BNC2: variants seen among roughly 807,000 people sequenced by gnomAD.
The protein encoded by BNC2 is zinc finger protein basonuclin-2.
In BNC2, 20 loss-of-function variants were observed where a neutral mutation model predicts 76.3. That is an observed-to-expected ratio of 0.26 (90% confidence interval 0.18 to 0.38). BNC2 has a LOEUF of 0.38. Ranked by LOEUF, BNC2 falls within the 10% of genes least tolerant of loss-of-function variation. BNC2 has a pLI of 1.00. For missense variants in BNC2, 1,382 were observed against 1,399.8 expected (o/e 0.99, Z 0.20); for synonymous variants, 582 against 514.8 (o/e 1.13, Z -1.77).
At chr9:16,663,289 T>C (rs1376776109) in intron 3 of BNC2, among the ~76,000 whole-genome samples, 3 of 151,912 alleles carry the variant, frequency 2.0e-5, no homozygotes, top group East Asian at 3.9e-4. Context: ...CCCGCCACCG[T>C]CCCTGGCTAA....
intron 5 of BNC2, among the ~76,000 whole-genome samples, chr9:16,516,369 T>C (rs1817437439): frequency 1.3e-5 from 2 of 151,134 alleles, no homozygotes; most frequent in Non-Finnish European, 1.5e-5. Flanking sequence ...ATGCGGAAAC[T>C]TAAAAAAAAA....
rs553970286 is a variant in BNC2 at position 16,782,291 on chromosome 9, T to A, written c.4-43806A>T. Among the ~76,000 whole-genome samples, 5 of 151,576 alleles carry A rather than the reference T, an allele frequency of 3.3e-5. No homozygotes were observed. In the East Asian group the frequency reaches 5.8e-4, roughly 18 times the overall value. On this transcript the variant is annotated intron_variant, in intron 1 of 6. Coordinates refer to ENST00000380672, the MANE Select transcript of BNC2 (RefSeq NM_017637.6). Reference sequence around the variant, plus strand: ...AGAGCAAGACTCTGTCTCAAAAAAATAATAATAATGATAATAATAATAATA... The same window carrying A: ...AGAGCAAGACTCTGTCTCAAAAAAAAAATAATAATGATAATAATAATAATA...
rs147197378 is a variant in BNC2 at position 16,832,540 on chromosome 9, A to C, written c.3+38106T>G. 4.3e-4 allele frequency among the ~76,000 whole-genome samples: 65 copies of C among 152,308 alleles called. 1 individual carries two copies. The East Asian group carries it at 0.012, about 27-fold the overall frequency. On this transcript the variant is annotated intron_variant, in intron 1 of 6. Coordinates refer to ENST00000380672, the MANE Select transcript of BNC2 (RefSeq NM_017637.6). ...TGACTGTAAAACAAGTGAATCAACG[A>C]ATCCGAACCCAAGTTCTATAATAAA...
At position 16,434,726 on chromosome 9, in the gene BNC2, C is replaced by G. The variant is rs1012255754; in HGVS notation, c.2639+829G>C. 1.0e-4 allele frequency: 43 copies of G among 419,358 alleles called. 1 individual carries two copies. The highest frequency in any genetic ancestry group is 2.9e-5 in the Non-Finnish European group (6 of 209,614). The allele number at this position is 419,358 out of a possible 1,614,324, so 26.0% of individuals were successfully genotyped here. A position where few individuals can be genotyped will look rare whatever the true frequency, so the allele number is the denominator to read the frequency against. On this transcript the variant is annotated intron_variant, in intron 6 of 6. Coordinates refer to ENST00000380672, the MANE Select transcript of BNC2 (RefSeq NM_017637.6). ...ACCATCTGCTTCTGCTTAAGCCCAA[C>G]TGTTTCAGAGCTGCAACTACATAGC...
chr9:16,575,384 T>C (rs547552557), intron 4 of BNC2: 1 of 985,300 alleles, frequency 1.0e-6, no homozygotes, highest in South Asian at 4.7e-5. Context: ...AGCCTCACTT[T>C]ATGTTCCATC....
At chr9:16,431,375 GA>G in intron 6 of BNC2, 1 of 439,954 alleles carries the variant, frequency 2.3e-6, no homozygotes, top group South Asian at 1.7e-5. Context: ...CAGAGTATGA[GA>G]AATGATGAAA....
intron 5 of BNC2, among the ~76,000 whole-genome samples, chr9:16,549,007 C>G (rs1818574866): frequency 6.6e-6 from 1 of 152,202 alleles, no homozygotes; most frequent in South Asian, 2.1e-4. Flanking sequence ...GTACAGGATC[C>G]TTGACCGATG....
intron 4 of BNC2, among the ~76,000 whole-genome samples, chr9:16,582,203 G>C (rs913020293): frequency 1.3e-5 from 2 of 150,764 alleles, no homozygotes; most frequent in African/African-American, 5.0e-5. Flanking sequence ...AAATTCTACA[G>C]TCTGGGAGGT....
intron 3 of BNC2, among the ~76,000 whole-genome samples, chr9:16,690,406 G>GT (rs1324839550): frequency 2.0e-5 from 3 of 152,130 alleles, no homozygotes; most frequent in Admixed American, 2.0e-4. Flanking sequence ...AAAAGGAGCC[G>GT]TGAGTGTGCC....
intron 3 of BNC2, among the ~76,000 whole-genome samples, chr9:16,619,799 T>TAG (rs1237460983): frequency 1.3e-5 from 2 of 152,162 alleles, no homozygotes; most frequent in Non-Finnish European, 2.9e-5. Context: ...GGGCACTGTA[T>TAG]AGATCACTGA....
chr9:16,677,959 G>T (rs1348530948), intron 3 of BNC2, among the ~76,000 whole-genome samples: 2 of 152,050 alleles, frequency 1.3e-5, no homozygotes, highest in Non-Finnish European at 2.9e-5. Flanking sequence ...CTTTTAACTA[G>T]TAGCAGGAAA....
chr9:16,465,204 G>C lies in BNC2; in HGVS notation c.670-27680C>G, dbSNP rs192872215. 1.6e-4 allele frequency among the ~76,000 whole-genome samples: 25 copies of C among 152,302 alleles called. No individual in the cohort carries two copies. The East Asian group carries it at 4.8e-3, about 29-fold the overall frequency. On this transcript the variant is annotated intron_variant, in intron 5 of 6. Transcript: ENST00000380672. ...TAATCCCAACACTTTGAGAGGCTAA[G>C]GCAGGTGGATGATCTGAGGTCGGCA...
In BNC2 at chr9:16,517,566, A is replaced by AAC. The variant is rs376415647; in HGVS notation, c.669+34962_669+34963dup. 1.9e-3 allele frequency among the ~76,000 whole-genome samples: 289 copies of AAC among 152,208 alleles called. 3 individuals are homozygous for AAC. Among genetic ancestry groups the AAC allele is most frequent in the African/African-American group, 6.3e-3 (260 of 41,528 alleles). ...TAATTTACCTGACAAATTAATTGCA[A>AAC]ACACACACACACGTACACAAGTGCA... On this transcript the variant is annotated intron_variant, in intron 5 of 6. Coordinates refer to ENST00000380672, the MANE Select transcript of BNC2 (RefSeq NM_017637.6).
At chr9:16,632,042 G>A (rs1821176934) in intron 3 of BNC2, among the ~76,000 whole-genome samples, 1 of 152,156 alleles carries the variant, frequency 6.6e-6, no homozygotes, top group Admixed American at 6.5e-5. Flanking sequence ...AGGGTAAGGG[G>A]CAGGTCCAAT....
chr9:16,501,755 G>A (rs1048995971), intron 5 of BNC2, among the ~76,000 whole-genome samples: 1 of 152,166 alleles, frequency 6.6e-6, no homozygotes, highest in Non-Finnish European at 1.5e-5. Context: ...TGGATGAATG[G>A]CTAAGTGGGT....
intron 3 of BNC2, among the ~76,000 whole-genome samples, chr9:16,711,109 C>T (rs976883251): frequency 6.6e-5 from 10 of 152,176 alleles, no homozygotes; most frequent in African/African-American, 2.4e-4. Flanking sequence ...CCTCCCCTCC[C>T]CCCAGTCTTT....
intron 6 of BNC2, among the ~76,000 whole-genome samples, chr9:16,430,637 T>C (rs1820891047): frequency 6.6e-6 from 1 of 152,320 alleles, no homozygotes; most frequent in South Asian, 2.1e-4. Flanking sequence ...AGGTAGCTCA[T>C]GTTAATTTAT....
chr9:16,696,193 A>T (rs1035258191), intron 3 of BNC2, among the ~76,000 whole-genome samples: 24 of 152,144 alleles, frequency 1.6e-4, no homozygotes, highest in African/African-American at 4.6e-4. Flanking sequence ...ATTGTCGAAC[A>T]CATTCTCCTA....
At chr9:16,862,915 AT>A (rs35319962) in intron 1 of BNC2, among the ~76,000 whole-genome samples, 5,673 of 142,552 alleles carry the variant, frequency 0.04, 146 homozygotes, top group African/African-American at 0.075. Flanking sequence ...ATATAGATAG[AT>A]TTTTTTTTTT....
Sources: gnomAD v4.1 joint callset for allele counts (sites outside exome capture counted in the v4.1 genomes callset) on GRCh38, gnomAD v4.1.1 for gene constraint, MANE v1.5 for transcripts, NCBI Gene and HGNC (gene_info 2026-07-23, HGNC 2026-07-21) for gene names.